SEPHS1: variants seen among roughly 807,000 people sequenced by gnomAD.
The protein encoded by SEPHS1 is zincore component SEPHS1.
Under a neutral mutation model 39.2 loss-of-function variants are expected in SEPHS1, and 7 were observed. The observed-to-expected ratio is 0.18, with a 90% CI of 0.10 to 0.34. The LOEUF (loss-of-function observed/expected upper bound fraction) is 0.34, where lower values mean the gene tolerates loss of function less well. SEPHS1 is among the 10% of genes least tolerant of loss of function. The probability of loss-of-function intolerance (pLI) is 1.00; values close to 1 mark genes in which losing one functional copy is unlikely to be tolerated. For synonymous variants in SEPHS1, 190 were observed against 195.5 expected (o/e 0.97, Z 0.23); for missense variants, 253 against 514.5 (o/e 0.49, Z 4.92).
Position 13,345,010 on chromosome 10 carries a change from G to T in SEPHS1, c.-60C>A. ...CCTCCCCTCCCTCTGCGGGTTGGCT[G>T]GGTTCTTTATGGATCCACCTGGGTG... On this transcript the variant is annotated 5_prime_UTR_variant, in exon 2 of 9. Coordinates refer to ENST00000327347, the MANE Select transcript of SEPHS1 (RefSeq NM_012247.5). 7.3e-7 allele frequency: 1 copy of T among 1,368,870 alleles called. No individual in the cohort carries two copies. The highest frequency in any genetic ancestry group is 9.5e-7 in the Non-Finnish European group (1 of 1,047,318). 84.8% of individuals were successfully genotyped at this position (1,368,870 alleles called of 1,614,324 possible).
chr10:13,322,140 TTTC>T, intron 8 of SEPHS1: 3 of 348,588 alleles, frequency 8.6e-6, no homozygotes, highest in South Asian at 1.9e-5. Flanking sequence ...ATCATTCTCT[TTTC>T]TTTTTTTTTT....
intron 5 of SEPHS1, among the ~76,000 whole-genome samples, chr10:13,330,809 TA>T (rs1331962472): frequency 6.6e-6 from 1 of 150,502 alleles, no homozygotes; most frequent in Non-Finnish European, 1.5e-5. Context: ...GACTCAGTTG[TA>T]CCATAAAGTT....
At chr10:13,329,198 A>G (rs868462876) in intron 6 of SEPHS1, among the ~76,000 whole-genome samples, 34 of 152,176 alleles carry the variant, frequency 2.2e-4, no homozygotes, top group African/African-American at 8.2e-4. Context: ...TCCTCATTAT[A>G]GATAGATTCA....
intron 8 of SEPHS1, among the ~76,000 whole-genome samples, chr10:13,322,473 A>C (rs1833146495): frequency 6.6e-6 from 1 of 152,096 alleles, no homozygotes; most frequent in South Asian, 2.1e-4. Flanking sequence ...TCTTAAAACA[A>C]CGTTAGACAA....
At chr10:13,338,401 CA>C (rs1447883886) in intron 3 of SEPHS1, among the ~76,000 whole-genome samples, 1 of 152,116 alleles carries the variant, frequency 6.6e-6, no homozygotes, top group Non-Finnish European at 1.5e-5. Context: ...AAGAAAATGA[CA>C]AAAACAGGCC....
chr10:13,341,592 G>A (rs951833036), intron 2 of SEPHS1, among the ~76,000 whole-genome samples: 5 of 152,262 alleles, frequency 3.3e-5, no homozygotes, highest in African/African-American at 9.6e-5. Context: ...TTTAAAAGCT[G>A]TTTTGGTTAA....
At chr10:13,332,141 G>A (rs1489097939) in intron 5 of SEPHS1, among the ~76,000 whole-genome samples, 3 of 152,202 alleles carry the variant, frequency 2.0e-5, no homozygotes, top group African/African-American at 7.2e-5. Context: ...GTCACCTGAG[G>A]AATGGCTAAA....
intron 8 of SEPHS1, chr10:13,321,937 C>T (rs1833130327): frequency 2.7e-6 from 1 of 365,460 alleles, no homozygotes; most frequent in Non-Finnish European, 5.3e-6. Context: ...ATAAAAGCTC[C>T]CTAGGAGTCA....
At chr10:13,323,280 T>TA (rs1373231289) in intron 7 of SEPHS1, among the ~76,000 whole-genome samples, 1 of 151,998 alleles carries the variant, frequency 6.6e-6, no homozygotes, top group South Asian at 2.1e-4. Flanking sequence ...TCCAGTAAAC[T>TA]AAAAAAACTA....
In SEPHS1 at chr10:13,333,922, G is replaced by T; in HGVS notation, c.455C>A (p.Ala152Asp). ...PLIIQGFKDA[A>D]EEAGTSVTGG... ...TGTTACAGATGTTCCTGCTTCCTCA[G>T]CTGCGTCTTTAAAACCTTGGATAAT... Residue 152 changes from alanine (A) to aspartate (D), a missense_variant, in exon 5 of 9, where the codon GCT (alanine) becomes GAT (aspartate). Transcript: ENST00000327347. 6.2e-7 allele frequency: 1 copy of T among 1,613,902 alleles called. No homozygotes were observed.
chr10:13,348,074 G>C lies in SEPHS1; in HGVS notation c.-153C>G, dbSNP rs1833988826. 6.8e-6 allele frequency: 1 copy of C among 147,656 alleles called. No individual in the cohort carries two copies. Among genetic ancestry groups the C allele is most frequent in the Middle Eastern group, 3.6e-3 (1 of 274 alleles). The allele number at this position is 147,656 out of a possible 1,614,324, so 9.1% of individuals were successfully genotyped here. The stretch of plus-strand genomic sequence containing the variant: ...CTCCCACAATGCACCGGGCGCGGCC[G>C]GGCTCCCTTAAGCGTCGCCTGAATA... On this transcript the variant is annotated 5_prime_UTR_variant, in exon 1 of 9. Transcript: ENST00000327347.
At chr10:13,330,779 C>T (rs1833438689) in intron 5 of SEPHS1, among the ~76,000 whole-genome samples, 1 of 152,088 alleles carries the variant, frequency 6.6e-6, no homozygotes, top group Middle Eastern at 3.2e-3. Flanking sequence ...GACCTGAAGA[C>T]ATAAATGTCT....
At chr10:13,319,502 T>A in intron 8 of SEPHS1, 146 bp from the exon 9 acceptor site, 3 of 696,014 alleles carry the variant, frequency 4.3e-6, no homozygotes, top group Non-Finnish European at 4.9e-6. Context: ...AAGCAGCTTT[T>A]TTTTGAGACA....
chr10:13,347,445 G>A (rs1361013398), intron 1 of SEPHS1: 1 of 149,614 alleles, frequency 6.7e-6, no homozygotes, highest in Non-Finnish European at 1.5e-5. Context: ...CCGGCGGCGG[G>A]GCGGAGGCGG....
intron 2 of SEPHS1, among the ~76,000 whole-genome samples, chr10:13,343,778 C>A (rs1004764506): frequency 6.6e-6 from 1 of 152,072 alleles, no homozygotes; most frequent in African/African-American, 2.4e-5. Flanking sequence ...CACGCCACTG[C>A]ACTCCAGCCT....
At chr10:13,345,666 T>C (rs965760014) in intron 1 of SEPHS1, among the ~76,000 whole-genome samples, 3 of 152,174 alleles carry the variant, frequency 2.0e-5, no homozygotes, top group African/African-American at 4.8e-5. Flanking sequence ...GTGGATCACC[T>C]GAAGTCAGGA....
chr10:13,321,046 A>C (rs10508459), intron 8 of SEPHS1, among the ~76,000 whole-genome samples: 1 of 151,700 alleles, frequency 6.6e-6, no homozygotes, highest in Non-Finnish European at 1.5e-5. Flanking sequence ...TCCTCTATAA[A>C]GGCGGTGAGA....
rs183940360 is a variant in SEPHS1, at chr10:13,338,620, C to G, written c.297+85G>C. On this transcript the variant is annotated intron_variant, in intron 3 of 8. Transcript: ENST00000327347. The stretch of plus-strand genomic sequence containing the variant: ...TATAACAGAAATAAAACCAAAACCC[C>G]ACAGATACATACAAAACCCCAGCCA... The G allele has an allele frequency of 7.2e-3, 7,650 of 1,068,744 alleles. 71 individuals carry two copies. Among genetic ancestry groups the G allele is most frequent in the Non-Finnish European group, 8.3e-3 (5,746 of 693,428 alleles). The allele number at this position is 1,068,744 out of a possible 1,614,324, so 66.2% of individuals were successfully genotyped here.
At position 13,331,485 on chromosome 10, in the gene SEPHS1, A is replaced by G. The variant is rs111316148; in HGVS notation, c.561-1697T>C. On this transcript the variant is annotated intron_variant, in intron 5 of 8. Coordinates refer to ENST00000327347, the MANE Select transcript of SEPHS1 (RefSeq NM_012247.5). ...ACTGCAACCTCCGCCTCCTGGGTTCAAACCACTCTCCTCAGTCTCCTGAGT... is the reference window on the plus strand; with the variant it reads ...ACTGCAACCTCCGCCTCCTGGGTTCGAACCACTCTCCTCAGTCTCCTGAGT... 1.4e-4 allele frequency among the ~76,000 whole-genome samples: 21 copies of G among 152,184 alleles called. 2 individuals carry two copies. The highest frequency in any genetic ancestry group is 5.1e-4 in the African/African-American group (21 of 41,526).
Sources: allele counts gnomAD v4.1 joint callset (sites outside exome capture counted in the v4.1 genomes callset), GRCh38; gene constraint gnomAD v4.1.1; transcripts MANE v1.5; gene names NCBI Gene and HGNC (gene_info 2026-07-23, HGNC 2026-07-21).